The following ZNF280D variants were observed in gnomAD, a reference collection of about 807,000 sequenced individuals.
ZNF280D encodes zinc finger protein 280D, also known as suppressor of hairy wing homolog 4.
In ZNF280D, 39 loss-of-function variants were observed where a neutral mutation model predicts 94.7. That is an observed-to-expected ratio of 0.41 (90% CI 0.32 to 0.54). The LOEUF (loss-of-function observed/expected upper bound fraction) is 0.54, where lower values mean the gene tolerates loss of function less well. Among genes scored for constraint, ZNF280D ranks in the 20% least tolerant of loss-of-function variants. The pLI, the probability that ZNF280D is intolerant of heterozygous loss-of-function variation, is 0.22. For synonymous variants in ZNF280D, 398 were observed against 377.6 expected (o/e 1.05, Z -0.63); for missense variants, 1,090 against 1,149.3 (o/e 0.95, Z 0.75).
chr15:56,696,737 C>T (rs1566996285), intron 6 of ZNF280D, among the ~76,000 whole-genome samples: 1 of 152,208 alleles, frequency 6.6e-6, no homozygotes. Flanking sequence ...CCAGAATACT[C>T]CTCTGTCATT....
At position 56,631,720 on chromosome 15, in the gene ZNF280D, A is replaced by C; in HGVS notation, c.2718T>G (p.Val906=). The part of the protein sequence containing the change: ...FLRKRHEPES[V]SSDVSEQGSI... ...TGCCTTGCTCGCTAACATCAGAACT[A>C]ACAGATTCAGGTTCATGTCTTTTTC... is the stretch of plus-strand genomic sequence containing the variant. Residue 906 remains valine (V), a synonymous_variant, in exon 22 of 22, where the codon GTT becomes GTG. Coordinates refer to ENST00000267807, the MANE Select transcript of ZNF280D (RefSeq NM_017661.4). 2 of 1,614,198 alleles carry C rather than the reference A, an allele frequency of 1.2e-6. No individual in the cohort carries two copies. The highest frequency in any genetic ancestry group is 1.1e-5 in the South Asian group (1 of 91,084).
At chr15:56,700,898 C>A (rs1392893892) in intron 6 of ZNF280D, 35 bp downstream of exon 6, 2 of 1,613,618 alleles carry the variant, frequency 1.2e-6, no homozygotes. Flanking sequence ...TCCAATGGAT[C>A]CCTGAGCTGG....
At chr15:56,663,258 T>TG (rs150009693) in intron 16 of ZNF280D, among the ~76,000 whole-genome samples, 63,447 of 132,800 alleles carry the variant, frequency 0.48, 15,192 homozygotes, top group African/African-American at 0.64. Flanking sequence ...CACTCCAGCC[T>TG]GGGTTGGAGT....
chr15:56,690,951 T>C (rs774562727), intron 7 of ZNF280D, among the ~76,000 whole-genome samples: 1 of 152,168 alleles, frequency 6.6e-6, no homozygotes, highest in Non-Finnish European at 1.5e-5. Flanking sequence ...TGTTAACTTG[T>C]CACTCTCTAG....
At chr15:56,706,320 G>A (rs2057400336) in intron 3 of ZNF280D, among the ~76,000 whole-genome samples, 1 of 149,624 alleles carries the variant, frequency 6.7e-6, no homozygotes, top group Non-Finnish European at 1.5e-5. Flanking sequence ...ACTAAAAATA[G>A]AAAAAAAATT....
At chr15:56,682,224 C>A (rs1241335743) in intron 10 of ZNF280D, 30 bp downstream of exon 10, 1 of 1,410,924 alleles carries the variant, frequency 7.1e-7, no homozygotes, top group Non-Finnish European at 9.7e-7. Context: ...TTTCAATTTT[C>A]AATAGAAATA....
intron 20 of ZNF280D, among the ~76,000 whole-genome samples, chr15:56,637,037 T>C (rs1454098366): frequency 6.6e-6 from 1 of 152,150 alleles, no homozygotes; most frequent in East Asian, 1.9e-4. Context: ...TACTTAACAA[T>C]CCTTCTCCCT....
chr15:56,733,037 G>A (rs1365168004), intron 1 of ZNF280D: 2 of 152,428 alleles, frequency 1.3e-5, no homozygotes, highest in Admixed American at 6.5e-5. Flanking sequence ...GAAGAGACAC[G>A]GGGGTGGGCT....
At chr15:56,672,313 G>T (rs1405691811) in intron 13 of ZNF280D, among the ~76,000 whole-genome samples, 1 of 151,970 alleles carries the variant, frequency 6.6e-6, no homozygotes, top group African/African-American at 2.4e-5. Context: ...ACTGGCTGTG[G>T]GTTTGTCATA....
intron 1 of ZNF280D, 128 bp downstream of exon 1, chr15:56,733,330 C>A (rs1596746126): frequency 2.3e-6 from 1 of 437,212 alleles, no homozygotes. Context: ...GCGCTCTGGG[C>A]GCTCCCGACG....
intron 1 of ZNF280D, among the ~76,000 whole-genome samples, chr15:56,716,069 G>A (rs1207176776): frequency 2.6e-5 from 4 of 152,146 alleles, no homozygotes; most frequent in Non-Finnish European, 5.9e-5. Context: ...AGGGACTTGA[G>A]CACCCTCAAA....
chr15:56,716,978 T>A (rs1481474735), intron 1 of ZNF280D, among the ~76,000 whole-genome samples: 1 of 152,140 alleles, frequency 6.6e-6, no homozygotes, highest in East Asian at 1.9e-4. Context: ...TGAGGATGAC[T>A]ATAACAGCTC....
rs762699406 is a variant in ZNF280D, at chr15:56,631,842, T to C, written c.2596A>G (p.Ile866Val). The C allele has an allele frequency of 6.2e-7, 1 of 1,613,964 alleles. No homozygotes were observed. The highest frequency in any genetic ancestry group is 1.7e-5 in the Admixed American group (1 of 60,030). The change falls in exon 22 of 22, where the codon ATT (isoleucine) becomes GTT (valine). Residue 866 changes from isoleucine (I) to valine (V), a missense_variant. Physicochemically the swap from Ile to Val is conservative, Grantham distance 29. Around this residue, in one of 3 missense-constraint regions of ZNF280D, gnomAD observed 577 missense variants for 568.8 expected, o/e 1.01. Coordinates refer to ENST00000267807, the MANE Select transcript of ZNF280D (RefSeq NM_017661.4). ...GCTTCACTGGAGTTGTGATCTTTAA[T>C]CTGATCAGATAAGATTATGTTTTCT... ...SSENIILSDQIKDHNSSEARF... is the reference protein window; with the variant it reads ...SSENIILSDQVKDHNSSEARF...
chr15:56,730,119 T>C (rs1435515151), intron 1 of ZNF280D: 1 of 152,100 alleles, frequency 6.6e-6, no homozygotes, highest in Non-Finnish European at 1.5e-5. Context: ...AATTGTACAC[T>C]TTTCCTCGTA....
rs79933022 is a variant in ZNF280D at position 56,715,586 on chromosome 15, A to C, written c.-85-8280T>G. 4.7e-4 allele frequency among the ~76,000 whole-genome samples: 71 copies of C among 152,296 alleles called. 3 individuals are homozygous for C. The East Asian group carries it at 0.011, about 23-fold the overall frequency. On this transcript the variant is annotated intron_variant, in intron 1 of 21. Coordinates refer to ENST00000267807, the MANE Select transcript of ZNF280D (RefSeq NM_017661.4). ...GAGTATAATACATGTAAACTAGCAG[A>C]ATGAGGCTTTACCCAGTCTGTCCCT...
At chr15:56,653,129 G>A in intron 19 of ZNF280D, 2 of 998,842 alleles carry the variant, frequency 2.0e-6, no homozygotes, top group Non-Finnish European at 2.4e-6. Flanking sequence ...GAACTTAATT[G>A]TGGAGACCTG....
At chr15:56,658,122 T>C (rs77576744) in intron 17 of ZNF280D, among the ~76,000 whole-genome samples, 4,369 of 152,240 alleles carry the variant, frequency 0.029, 202 homozygotes, top group African/African-American at 0.1. Context: ...ATTTTTTATA[T>C]GAAATGTCCA....
rs760811205 is a variant in ZNF280D, at chr15:56,704,203, C to T, written c.93G>A (p.Lys31=). Residue 31 remains lysine (K), a synonymous_variant, in exon 4 of 22, where the codon AAG becomes AAA. Coordinates refer to ENST00000267807, the MANE Select transcript of ZNF280D (RefSeq NM_017661.4). ...CGTCATCCTCAACTTCTTTTACTTT[C>T]TTCTGCCATGGTTCCAGCTCCTCTT... ...CEEEELEPWQ[K]KVKEVEDDDD... 6.2e-7 allele frequency: 1 copy of T among 1,613,558 alleles called. No homozygotes were observed. Among genetic ancestry groups the T allele is most frequent in the Non-Finnish European group, 8.5e-7 (1 of 1,179,820 alleles).
intron 1 of ZNF280D, among the ~76,000 whole-genome samples, chr15:56,716,236 G>A (rs139748040): frequency 1.4e-4 from 21 of 152,064 alleles, no homozygotes; most frequent in Non-Finnish European, 2.8e-4. Flanking sequence ...CTAGAGATAG[G>A]GACAAACACC....
Sources: gnomAD v4.1 joint callset for allele counts (sites outside exome capture counted in the v4.1 genomes callset) on GRCh38, gnomAD v4.1.1 for gene constraint, gnomAD v4.1.1 regional missense constraint, MANE v1.5 for transcripts, NCBI Gene and HGNC (gene_info 2026-07-23, HGNC 2026-07-21) for gene names.